The following A2ML1 variants were observed in gnomAD, a reference collection of about 807,000 sequenced individuals.
A2ML1 encodes alpha-2-macroglobulin like 1, also known as alpha-2-macroglobulin-like protein 1.
A2ML1 carries 161 observed loss-of-function variants against 181.9 expected under a neutral mutation model. The ratio of observed to expected loss-of-function variants is 0.89; its 90% CI spans 0.78 to 1.01. A2ML1 has a LOEUF of 1.01. Ranked by LOEUF, A2ML1 falls within the 50% of genes least tolerant of loss-of-function variation. The probability of loss-of-function intolerance (pLI) is 0.00; values close to 1 mark genes in which losing one functional copy is unlikely to be tolerated. For synonymous variants in A2ML1, 663 were observed against 666.8 expected, an observed-to-expected ratio of 0.99 and a Z score of 0.09; for missense variants, 1,670 against 1,768.1, an observed-to-expected ratio of 0.94 and a Z score of 1.00.
intron 3 of A2ML1, among the ~76,000 whole-genome samples, chr12:8,828,857 G>A (rs942073250): frequency 5.3e-5 from 8 of 152,164 alleles, no homozygotes; most frequent in African/African-American, 1.7e-4. Context: ...CCTGGCTAAC[G>A]CTGGTCTAAA....
chr12:8,837,901 A>G (rs1363866261), intron 8 of A2ML1, among the ~76,000 whole-genome samples: 1 of 151,972 alleles, frequency 6.6e-6, no homozygotes, highest in Non-Finnish European at 1.5e-5. Context: ...GAAAAAAAAA[A>G]AAAAAAAAGA....
downstream of A2ML1, among the ~76,000 whole-genome samples, chr12:8,880,328 T>C (rs979981036): frequency 6.6e-6 from 1 of 152,040 alleles, no homozygotes; most frequent in Non-Finnish European, 1.5e-5. Flanking sequence ...ATTGTAGCAC[T>C]GCACTCCAGG....
intron 26 of A2ML1, among the ~76,000 whole-genome samples, chr12:8,859,679 C>G (rs1944189862): frequency 6.6e-6 from 1 of 151,948 alleles, no homozygotes. Flanking sequence ...TTCAAGTGAT[C>G]TCAGCCTCCT....
rs370846070 is a variant in A2ML1, at chr12:8,846,228, A to G, written c.1683+6A>G. On this transcript the variant is annotated splice_donor_region_variant and intron_variant, in intron 14 of 35. Coordinates refer to ENST00000299698, the MANE Select transcript of A2ML1 (RefSeq NM_144670.6). ...AGATGTGCTTTGACAATCAGGTAAAATGATAGCGGAGAAGGGTGAAGATAA... is the reference window on the plus strand; with the variant it reads ...AGATGTGCTTTGACAATCAGGTAAAGTGATAGCGGAGAAGGGTGAAGATAA... 3.0e-5 allele frequency: 49 copies of G among 1,613,950 alleles called. No homozygotes were observed. The highest frequency in any genetic ancestry group is 3.6e-5 in the Non-Finnish European group (43 of 1,179,926).
chr12:8,878,054 G>A (rs1397666285), downstream of A2ML1, among the ~76,000 whole-genome samples: 4 of 152,166 alleles, frequency 2.6e-5, no homozygotes, highest in Admixed American at 2.0e-4. The surrounding 1 kb of genome is among the most constrained non-coding windows in gnomAD (Gnocchi z 4.4). Context: ...TGTAAACCCA[G>A]CACTTTGGGA....
chr12:8,880,227 G>T (rs1014093474), downstream of A2ML1, among the ~76,000 whole-genome samples: 2 of 152,104 alleles, frequency 1.3e-5, no homozygotes, highest in Non-Finnish European at 2.9e-5. Flanking sequence ...TCAGCCGAGT[G>T]TGGTGGCAGG....
rs7304994 is a variant in A2ML1, at chr12:8,839,374, G to A, written c.1080+152G>A. 0.83 allele frequency: 430,274 copies of A among 520,284 alleles called. 181,096 individuals are homozygous for A. Among genetic ancestry groups the A allele is most frequent in the East Asian group, 1 (28,701 of 28,710 alleles). The allele number at this position is 520,284 out of a possible 1,614,324, so 32.2% of individuals were successfully genotyped here. On this transcript the variant is annotated intron_variant, in intron 10 of 35. Coordinates refer to ENST00000299698, the MANE Select transcript of A2ML1 (RefSeq NM_144670.6). ...TCTTTAGAATAATGCAATGAGGCAG[G>A]CACTGTATTGGCCCCATTTTATGGA...
intron 12 of A2ML1, 129 bp downstream of exon 12, chr12:8,843,490 C>A: frequency 1.3e-6 from 1 of 791,024 alleles, no homozygotes; most frequent in Non-Finnish European, 1.9e-6. Context: ...ATTTTAAAGC[C>A]ACACTAAAAA....
chr12:8,849,051 G>C, intron 16 of A2ML1, 137 bp downstream of exon 16: 1 of 943,104 alleles, frequency 1.1e-6, no homozygotes, highest in Non-Finnish European at 1.6e-6. Flanking sequence ...CTTCTGACGT[G>C]TAAGGTCGCC....
Position 8,843,332 on chromosome 12 carries a change from C to G in A2ML1, c.1447C>G (p.Pro483Ala). The part of the protein sequence containing the change: ...DYYIDPADAS[P>A]DQEISFSYYL... ...TTACATCGACCCGGCCGATGCAAGC[C>G]CTGACCAAGAGATCAGCTTCTCCTA... The change falls in exon 12 of 36, where the codon CCT (proline) becomes GCT (alanine). Residue 483 changes from proline (P) to alanine (A), a missense_variant. Pro to Ala is a conservative substitution (Grantham distance 27). Coordinates refer to ENST00000299698, the MANE Select transcript of A2ML1 (RefSeq NM_144670.6). 1 of 1,614,070 alleles carries G rather than the reference C, an allele frequency of 6.2e-7. No homozygotes were observed. Among genetic ancestry groups the G allele is most frequent in the East Asian group, 2.2e-5 (1 of 44,884 alleles).
rs117701006 is a variant in A2ML1, at chr12:8,857,079, G to A, written c.2849-85G>A. 1.7e-4 allele frequency: 227 copies of A among 1,321,566 alleles called. 1 individual carries two copies. In the East Asian group the frequency reaches 3.3e-3, roughly 19 times the overall value. The allele number at this position is 1,321,566 out of a possible 1,614,324, so 81.9% of individuals were successfully genotyped here. ...GTACTTATTAAATGATAGCTAATAC[G>A]TGTTTGTTCAGTGAATGATGATAAC... On this transcript the variant is annotated intron_variant, in intron 23 of 35. Transcript: ENST00000299698.
intron 4 of A2ML1, among the ~76,000 whole-genome samples, chr12:8,833,890 T>C (rs751772648): frequency 4.6e-5 from 7 of 152,156 alleles, no homozygotes; most frequent in Non-Finnish European, 1.0e-4. Context: ...GATATTTGTA[T>C]TTAGTGGTTC....
rs1944715839 is a variant in A2ML1 at position 8,874,028 on chromosome 12, T to TTA, written c.4222-397_4222-396insTA. Among the ~76,000 whole-genome samples, 10 of 151,970 alleles carry TTA rather than the reference T, an allele frequency of 6.6e-5. 1 individual carries two copies. Among genetic ancestry groups the TTA allele is most frequent in the African/African-American group, 1.9e-4 (8 of 41,380 alleles). The stretch of plus-strand genomic sequence containing the variant: ...TTTAATTAAAAAAAAAATTTTTTTT[T>TTA]AATTTGAGATGGAGTCTCGCTCTGT... On this transcript the variant is annotated intron_variant, in intron 33 of 35. Transcript: ENST00000299698.
intron 33 of A2ML1, among the ~76,000 whole-genome samples, chr12:8,873,515 A>G (rs1198219598): frequency 1.3e-5 from 2 of 152,242 alleles, no homozygotes; most frequent in Non-Finnish European, 2.9e-5. Context: ...TGAAAACAAT[A>G]GATATGATAC....
intron 7 of A2ML1, among the ~76,000 whole-genome samples, chr12:8,882,184 A>G (rs17802555): frequency 0.34 from 51,739 of 151,860 alleles, 9,790 homozygotes; most frequent in East Asian, 0.66. Flanking sequence ...CTAGCTAGGG[A>G]ACAGGAAATG....
chr12:8,881,827 C>G (rs190093172), intron 7 of A2ML1, among the ~76,000 whole-genome samples: 1 of 151,766 alleles, frequency 6.6e-6, no homozygotes, highest in Non-Finnish European at 1.5e-5. Flanking sequence ...CTGGCTAACA[C>G]GGTGAAACCC....
In A2ML1 at chr12:8,869,207, G is replaced by A. The variant is rs773871009; in HGVS notation, c.4221+4G>A. ...ACTTAACATTTACTTGGATGAGGTA[G>A]GTATTCAGGAACCAGATCAAAGAGC... On this transcript the variant is annotated splice_donor_region_variant and intron_variant, in intron 33 of 35. Transcript: ENST00000299698. 6.2e-7 allele frequency: 1 copy of A among 1,613,936 alleles called. No homozygotes were observed. The highest frequency in any genetic ancestry group is 8.5e-7 in the Non-Finnish European group (1 of 1,179,878).
intron 7 of A2ML1, among the ~76,000 whole-genome samples, chr12:8,884,893 T>C (rs1378394843): frequency 6.6e-6 from 1 of 152,266 alleles, no homozygotes; most frequent in African/African-American, 2.4e-5. Context: ...GTGGTTTATA[T>C]GTACCACATT....
chr12:8,822,828 CCTT>C, intron 1 of A2ML1, 115 bp downstream of exon 1: 1 of 939,496 alleles, frequency 1.1e-6, no homozygotes, highest in Non-Finnish European at 1.7e-6. Flanking sequence ...ATTTCCTCCT[CCTT>C]TTTTCTCTTC....
Sources: gnomAD v4.1 joint callset for allele counts (sites outside exome capture counted in the v4.1 genomes callset) on GRCh38, gnomAD v4.1.1 for gene constraint, Gnocchi (gnomAD v3.1) non-coding constraint, MANE v1.5 for transcripts, NCBI Gene and HGNC (gene_info 2026-07-23, HGNC 2026-07-21) for gene names.